TIMD4: variants seen among roughly 807,000 people sequenced by gnomAD.
The protein encoded by TIMD4 is T-cell immunoglobulin and mucin domain-containing protein 4.
A neutral mutation model predicts 41.2 loss-of-function variants in TIMD4; 31 were observed. That is an observed-to-expected ratio of 0.75 (90% CI 0.57 to 1.01). The LOEUF (loss-of-function observed/expected upper bound fraction) is 1.01, where lower values mean the gene tolerates loss of function less well. Ranked by LOEUF, TIMD4 falls within the 50% of genes least tolerant of loss-of-function variation. The probability of loss-of-function intolerance (pLI) is 0.00; values close to 1 mark genes in which losing one functional copy is unlikely to be tolerated. For missense variants in TIMD4, 479 were observed against 472.5 expected, an observed-to-expected ratio of 1.01 and a Z score of -0.13; for synonymous variants, 204 against 177.1, an observed-to-expected ratio of 1.15 and a Z score of -1.21.
rs1759861996 is a variant in TIMD4, at chr5:156,951,726, G to C, written c.465C>G (p.Thr155=). 11 of 1,614,086 alleles carry C rather than the reference G, an allele frequency of 6.8e-6. No individual in the cohort carries two copies. Among genetic ancestry groups the C allele is most frequent in the African/African-American group, 4.0e-5 (3 of 74,998 alleles). ...TTRRTTTTSP[T]TTRQMTTTPA... Reference sequence around the variant, plus strand: ...GGGTTGTTGTCATTTGTCGGGTGGTGGTGGGGCTTGTTGTTGTTGTTCTGC... The same window carrying C: ...GGGTTGTTGTCATTTGTCGGGTGGTCGTGGGGCTTGTTGTTGTTGTTCTGC... The change falls in exon 3 of 9, where the codon ACC becomes ACG. Residue 155 remains threonine, a synonymous_variant. Coordinates refer to ENST00000274532, the MANE Select transcript of TIMD4 (RefSeq NM_138379.3).
chr5:156,956,549 C>A (rs2113393754), intron 1 of TIMD4, among the ~76,000 whole-genome samples: 1 of 152,340 alleles, frequency 6.6e-6, no homozygotes, highest in East Asian at 1.9e-4. Context: ...GTTCTCCAGG[C>A]CACTTTGATG....
intron 5 of TIMD4, among the ~76,000 whole-genome samples, chr5:156,934,631 T>C (rs989586661): frequency 2.0e-5 from 3 of 152,080 alleles, no homozygotes; most frequent in Non-Finnish European, 4.4e-5. Flanking sequence ...ATTTTACAGA[T>C]GGTAAACTGA....
At chr5:156,944,823 A>G (rs1759711042) in intron 5 of TIMD4, among the ~76,000 whole-genome samples, 1 of 151,970 alleles carries the variant, frequency 6.6e-6, no homozygotes, top group African/African-American at 2.4e-5. Flanking sequence ...TGCTGGGATT[A>G]CAGGCTTGAG....
At position 156,948,519 on chromosome 5, in the gene TIMD4, A is replaced by G; in HGVS notation, c.761-20T>C. On this transcript the variant is annotated intron_variant, in intron 4 of 8. Transcript: ENST00000274532. ...TGGACTCTTTGGAAAAACAAAGGAA[A>G]ACAGAAAACAGACTTAGGTAAATGC... is the stretch of plus-strand genomic sequence containing the variant. 6.7e-7 allele frequency: 1 copy of G among 1,502,094 alleles called. No individual in the cohort carries two copies. The highest frequency in any genetic ancestry group is 8.9e-7 in the Non-Finnish European group (1 of 1,118,358). 93.0% of individuals were successfully genotyped at this position (1,502,094 alleles called of 1,614,324 possible).
At chr5:156,945,373 C>T (rs1334252924) in intron 5 of TIMD4, among the ~76,000 whole-genome samples, 1 of 152,208 alleles carries the variant, frequency 6.6e-6, no homozygotes, top group Non-Finnish European at 1.5e-5. Flanking sequence ...GGTGTTAAAA[C>T]AAGGCAGACC....
rs115661536 is a variant in TIMD4, at chr5:156,942,658, C to T, written c.844+5758G>A. On this transcript the variant is annotated intron_variant, in intron 5 of 8. Transcript: ENST00000274532. ...GCTTCTTTGGTTGATATCTGCAGACCAGCCACCTAAAAATTGGAGGAGAGC... is the reference window on the plus strand; with the variant it reads ...GCTTCTTTGGTTGATATCTGCAGACTAGCCACCTAAAAATTGGAGGAGAGC... Among the ~76,000 whole-genome samples, 540 of 152,290 alleles carry T rather than the reference C, an allele frequency of 3.5e-3. 4 individuals are homozygous for T. The highest frequency in any genetic ancestry group is 8.4e-3 in the Admixed American group (128 of 15,292).
At chr5:156,920,675 AT>A (rs1759221243) in intron 7 of TIMD4, among the ~76,000 whole-genome samples, 172 bp from the exon 8 acceptor site, 1 of 152,214 alleles carries the variant, frequency 6.6e-6, no homozygotes, top group Non-Finnish European at 1.5e-5. Flanking sequence ...AACACTTGCT[AT>A]TTTAACCACA....
intron 5 of TIMD4, among the ~76,000 whole-genome samples, chr5:156,944,590 C>T (rs545254731): frequency 1.9e-4 from 29 of 150,944 alleles, no homozygotes; most frequent in East Asian, 1.4e-3. Flanking sequence ...CTGCAAGCTC[C>T]GCCTCCTGGG....
intron 6 of TIMD4, among the ~76,000 whole-genome samples, chr5:156,923,701 G>GT (rs1759294667): frequency 1.4e-5 from 2 of 145,460 alleles, no homozygotes; most frequent in Non-Finnish European, 3.1e-5. Flanking sequence ...ACGATGCCTG[G>GT]CTATTTTTTT....
At chr5:156,926,059 A>G (rs530452617) in intron 6 of TIMD4, among the ~76,000 whole-genome samples, 36 of 152,278 alleles carry the variant, frequency 2.4e-4, no homozygotes, top group Non-Finnish European at 4.0e-4. Flanking sequence ...ATGTGCCACC[A>G]CACCTGGCTA....
At position 156,951,420 on chromosome 5, in the gene TIMD4, A is replaced by G. The variant is rs1182605511; in HGVS notation, c.679+92T>C. The G allele has an allele frequency of 8.1e-6, 12 of 1,478,832 alleles. No homozygotes were observed. In the East Asian group the frequency reaches 2.0e-4, roughly 25 times the overall value. 91.6% of individuals were successfully genotyped at this position (1,478,832 alleles called of 1,614,324 possible). A position where few individuals can be genotyped will look rare whatever the true frequency, so the allele number is the denominator to read the frequency against. On this transcript the variant is annotated intron_variant, in intron 3 of 8. Coordinates refer to ENST00000274532, the MANE Select transcript of TIMD4 (RefSeq NM_138379.3). The stretch of plus-strand genomic sequence containing the variant: ...AATATACGCATGTGTACACGCACAC[A>G]CTCACACACACACTGAGAGAGAGCA...
intron 6 of TIMD4, chr5:156,924,391 T>C (rs907658771): frequency 2.5e-6 from 1 of 403,912 alleles, no homozygotes; most frequent in Non-Finnish European, 5.0e-6. Flanking sequence ...ATGTAAAGTT[T>C]GGTTCAATGG....
rs143473221 is a variant in TIMD4, at chr5:156,945,932, C to T, written c.844+2484G>A. Among the ~76,000 whole-genome samples the T allele has an allele frequency of 4.2e-3, 644 of 152,228 alleles. 1 individual carries two copies. The highest frequency in any genetic ancestry group is 6.2e-3 in the Non-Finnish European group (425 of 68,016). On this transcript the variant is annotated intron_variant, in intron 5 of 8. Transcript: ENST00000274532. The stretch of plus-strand genomic sequence containing the variant: ...CTTGACACAGACCTAGAACATAACA[C>T]GTGCGCAATAAACCCTGCTTTTCAT...
At chr5:156,937,364 T>C (rs2113361738) in intron 5 of TIMD4, among the ~76,000 whole-genome samples, 1 of 149,110 alleles carries the variant, frequency 6.7e-6, no homozygotes, top group Admixed American at 6.9e-5. Context: ...TTTATTGACT[T>C]GTTTATAGGG....
intron 5 of TIMD4, among the ~76,000 whole-genome samples, chr5:156,937,509 T>C (rs1374654368): frequency 1.3e-5 from 2 of 152,142 alleles, no homozygotes; most frequent in Non-Finnish European, 2.9e-5. Flanking sequence ...TGTTTTGGCC[T>C]ACAGAGGGGC....
intron 5 of TIMD4, among the ~76,000 whole-genome samples, chr5:156,933,597 T>A (rs1759483938): frequency 6.8e-6 from 1 of 147,270 alleles, no homozygotes; most frequent in Admixed American, 6.7e-5. Context: ...AGACAGAGTC[T>A]CACTCTGTCT....
chr5:156,953,341 T>G (rs1294700703), intron 2 of TIMD4, among the ~76,000 whole-genome samples: 1 of 152,008 alleles, frequency 6.6e-6, no homozygotes, highest in Non-Finnish European at 1.5e-5. Context: ...AATTTTAGAG[T>G]GCGTTAGAGT....
At chr5:156,943,354 A>G (rs1759680084) in intron 5 of TIMD4, among the ~76,000 whole-genome samples, 1 of 152,236 alleles carries the variant, frequency 6.6e-6, no homozygotes, top group Admixed American at 6.5e-5. Context: ...CCCATTTTAC[A>G]TTTTGAGGAA....
chr5:156,954,057 T>G (rs59219439), intron 2 of TIMD4, among the ~76,000 whole-genome samples: 2,327 of 152,292 alleles, frequency 0.015, 79 homozygotes, highest in African/African-American at 0.054. Flanking sequence ...GTTCATGCAG[T>G]TTTTTTATTA....
Sources: allele counts gnomAD v4.1 joint callset (sites outside exome capture counted in the v4.1 genomes callset), GRCh38; gene constraint gnomAD v4.1.1; transcripts MANE v1.5; gene names NCBI Gene and HGNC (gene_info 2026-07-23, HGNC 2026-07-21).